CHST10: variants seen among roughly 807,000 people sequenced by gnomAD.
CHST10 encodes the protein carbohydrate sulfotransferase 10.
A neutral mutation model predicts 34.7 loss-of-function variants in CHST10; 24 were observed. The ratio of observed to expected loss-of-function variants is 0.69; its 90% CI spans 0.50 to 0.97. CHST10 has a LOEUF of 0.97. Ranked by LOEUF, CHST10 falls within the 50% of genes least tolerant of loss-of-function variation. The probability of loss-of-function intolerance (pLI) is 0.00; values close to 1 mark genes in which losing one functional copy is unlikely to be tolerated. For missense variants in CHST10, 402 were observed against 452.1 expected (o/e 0.89, Z 1.00); for synonymous variants, 161 against 169.3 (o/e 0.95, Z 0.38).
chr2:100,403,703 G>A (rs368284454), intron 3 of CHST10, among the ~76,000 whole-genome samples: 14 of 152,132 alleles, frequency 9.2e-5, no homozygotes, highest in Admixed American at 7.8e-4. Context: ...GCTTCTCCAC[G>A]CACTTTCCAG....
intron 4 of CHST10, among the ~76,000 whole-genome samples, chr2:100,401,159 C>A (rs914970804): frequency 6.6e-6 from 1 of 152,194 alleles, no homozygotes; most frequent in African/African-American, 2.4e-5. Flanking sequence ...ATGACTGGGG[C>A]AGCGGGTAAG....
intron 6 of CHST10, among the ~76,000 whole-genome samples, 159 bp downstream of exon 6, chr2:100,395,350 G>A (rs535766559): frequency 4.6e-5 from 7 of 152,156 alleles, no homozygotes; most frequent in Non-Finnish European, 2.9e-5. Context: ...GGCGCCGAAT[G>A]GGGGGTGTAG....
At chr2:100,394,428 G>C (rs1184868007) in intron 6 of CHST10, among the ~76,000 whole-genome samples, 2 of 152,178 alleles carry the variant, frequency 1.3e-5, no homozygotes, top group Non-Finnish European at 2.9e-5. Context: ...ACTGCTCTCT[G>C]TGCTTTGCCG....
At position 100,392,812 on chromosome 2, in the gene CHST10, C is replaced by A; in HGVS notation, c.*433G>T. ...GCCCCCTTGCTTCTCTGTCCCTCCT[C>A]AGAGTCCTGGGTGCTGTTCCTGCAA... On this transcript the variant is annotated 3_prime_UTR_variant, in exon 7 of 7. Transcript: ENST00000264249. 1 of 180,138 alleles carries A rather than the reference C, an allele frequency of 5.6e-6. No individual in the cohort carries two copies. The highest frequency in any genetic ancestry group is 2.3e-5 in the African/African-American group (1 of 42,688). 11.2% of individuals were successfully genotyped at this position (180,138 alleles called of 1,614,324 possible). A position where few individuals can be genotyped will look rare whatever the true frequency, so the allele number is the denominator to read the frequency against.
chr2:100,407,032 A>G (rs1675608312), intron 2 of CHST10, among the ~76,000 whole-genome samples: 1 of 152,168 alleles, frequency 6.6e-6, no homozygotes, highest in Admixed American at 6.5e-5. Flanking sequence ...GGCCCAGGCT[A>G]AGGTCCCAGT....
At chr2:100,405,057 G>A (rs1198578303) in intron 3 of CHST10, among the ~76,000 whole-genome samples, 1 of 152,194 alleles carries the variant, frequency 6.6e-6, no homozygotes, top group Non-Finnish European at 1.5e-5. Context: ...AGTGCTGCGG[G>A]GATGAGAACC....
At position 100,393,788 on chromosome 2, in the gene CHST10, G is replaced by A. The variant is rs1573168763; in HGVS notation, c.534-6C>T. 6.3e-7 allele frequency: 1 copy of A among 1,596,900 alleles called. No homozygotes were observed. ...ACTTGAAGTATGTTTTCAATCTAAG[G>A]AAAAAAACGAACAAGAGGTTAACTT... is the stretch of plus-strand genomic sequence containing the variant. On this transcript the variant is annotated splice_region_variant and splice_polypyrimidine_tract_variant and intron_variant, in intron 6 of 6. Transcript: ENST00000264249.
At chr2:100,399,102 C>CTTT (rs34834152) in intron 4 of CHST10, among the ~76,000 whole-genome samples, 3 of 137,656 alleles carry the variant, frequency 2.2e-5, no homozygotes. Flanking sequence ...CTCTCTCTCT[C>CTTT]TTTTTTTTTT....
intron 2 of CHST10, 95 bp downstream of exon 2, chr2:100,414,946 A>T: frequency 2.6e-6 from 2 of 764,990 alleles, no homozygotes; most frequent in Non-Finnish European, 3.8e-6. Flanking sequence ...ACTCCTAATC[A>T]AGAGTTTACA....
intron 2 of CHST10, among the ~76,000 whole-genome samples, chr2:100,411,249 T>C (rs1269145170): frequency 2.0e-5 from 3 of 151,992 alleles, no homozygotes; most frequent in Non-Finnish European, 4.4e-5. Context: ...CCTGAGTGGC[T>C]GTGATTACAG....
At chr2:100,409,572 G>T (rs946226800) in intron 2 of CHST10, among the ~76,000 whole-genome samples, 6 of 151,552 alleles carry the variant, frequency 4.0e-5, no homozygotes, top group Non-Finnish European at 5.9e-5. Flanking sequence ...TCAGGGACTG[G>T]TCTGCACTCA....
At position 100,392,979 on chromosome 2, in the gene CHST10, T is replaced by C; in HGVS notation, c.*266A>G. ...GCTGTCAAACTGCAAATCTTTAGCC[T>C]TTTCTCCCCTCTGAGGTGAGCAAAG... On this transcript the variant is annotated 3_prime_UTR_variant, in exon 7 of 7. Coordinates refer to ENST00000264249, the MANE Select transcript of CHST10 (RefSeq NM_004854.5). 1 of 475,048 alleles carries C rather than the reference T, an allele frequency of 2.1e-6. No homozygotes were observed. Among genetic ancestry groups the C allele is most frequent in the East Asian group, 3.7e-5 (1 of 27,240 alleles). 29.4% of individuals were successfully genotyped at this position (475,048 alleles called of 1,614,324 possible). A position where few individuals can be genotyped will look rare whatever the true frequency, so the allele number is the denominator to read the frequency against.
chr2:100,402,088 G>C (rs1399658152), intron 4 of CHST10, among the ~76,000 whole-genome samples: 1 of 152,194 alleles, frequency 6.6e-6, no homozygotes, highest in Admixed American at 6.5e-5. Flanking sequence ...AGCAGCCTTG[G>C]GCTCCGCCAG....
Position 100,392,438 on chromosome 2 carries a change from C to A in CHST10, c.*807G>T, listed in dbSNP as rs1674834180. 1 of 152,288 alleles carries A rather than the reference C, an allele frequency of 6.6e-6. No homozygotes were observed. Among genetic ancestry groups the A allele is most frequent in the Non-Finnish European group, 1.5e-5 (1 of 68,112 alleles). 9.4% of individuals were successfully genotyped at this position (152,288 alleles called of 1,614,324 possible). ...GAGCTCCAAGCCCAACCAGCGCCCC[C>A]ATTCCTGGGCCATGGTCCTTTTAAG... On this transcript the variant is annotated 3_prime_UTR_variant, in exon 7 of 7. Transcript: ENST00000264249.
intron 6 of CHST10, among the ~76,000 whole-genome samples, chr2:100,394,299 G>A (rs1056324933): frequency 6.6e-6 from 1 of 152,176 alleles, no homozygotes; most frequent in Non-Finnish European, 1.5e-5. Context: ...GTCTGGGTGA[G>A]CTGCAAGCGG....
intron 2 of CHST10, among the ~76,000 whole-genome samples, chr2:100,412,305 T>C (rs982573857): frequency 5.9e-5 from 9 of 152,170 alleles, no homozygotes; most frequent in African/African-American, 1.7e-4. Context: ...ATCCACATTA[T>C]CTGGTGTGGT....
At chr2:100,396,762 T>C (rs923138512) in intron 5 of CHST10, among the ~76,000 whole-genome samples, 2 of 152,182 alleles carry the variant, frequency 1.3e-5, no homozygotes, top group Non-Finnish European at 2.9e-5. Context: ...GCTTCTGTAT[T>C]ACATGATCCA....
chr2:100,415,011 A>T, intron 2 of CHST10, 30 bp downstream of exon 2: 1 of 1,282,260 alleles, frequency 7.8e-7, no homozygotes, highest in Non-Finnish European at 1.0e-6. Flanking sequence ...TGCTCAAATA[A>T]CTGATGAGCT....
At chr2:100,402,516 AG>A (rs1156235651) in intron 4 of CHST10, 47 bp downstream of exon 4, 2 of 1,521,822 alleles carry the variant, frequency 1.3e-6, no homozygotes, top group Admixed American at 3.3e-5. Context: ...CCCCGCGACA[AG>A]GGTGCCGTGT....
Sources: gnomAD v4.1 joint callset for allele counts (sites outside exome capture counted in the v4.1 genomes callset) on GRCh38, gnomAD v4.1.1 for gene constraint, MANE v1.5 for transcripts, NCBI Gene and HGNC (gene_info 2026-07-23, HGNC 2026-07-21) for gene names.